BCL2: variants seen among roughly 807,000 people sequenced by gnomAD.
BCL2 encodes the protein apoptosis regulator Bcl-2.
A neutral mutation model predicts 14.2 loss-of-function variants in BCL2; 1 was observed. That is an observed-to-expected ratio of 0.07 (90% CI 0.02 to 0.33). The LOEUF (loss-of-function observed/expected upper bound fraction) is 0.33, where lower values mean the gene tolerates loss of function less well. BCL2 is among the 10% of genes least tolerant of loss of function. The probability of loss-of-function intolerance (pLI) is 0.99; values close to 1 mark genes in which losing one functional copy is unlikely to be tolerated. For synonymous variants in BCL2, 151 were observed against 137.2 expected (o/e 1.10, Z -0.70); for missense variants, 247 against 305.9 (o/e 0.81, Z 1.44).
chr18:63,308,829 C>T (rs1386172244), intron 2 of BCL2, among the ~76,000 whole-genome samples: 2 of 152,092 alleles, frequency 1.3e-5, no homozygotes, highest in East Asian at 3.9e-4. Context: ...GGATGAATTG[C>T]TCAGAATGCC....
chr18:63,253,415 G>T (rs1911373755), intron 2 of BCL2, among the ~76,000 whole-genome samples: 1 of 152,148 alleles, frequency 6.6e-6, no homozygotes, highest in Non-Finnish European at 1.5e-5. Context: ...TCCCATATAA[G>T]AATATATTGC....
intron 2 of BCL2, among the ~76,000 whole-genome samples, chr18:63,178,916 A>C (rs1464828190): frequency 7.1e-6 from 1 of 140,834 alleles, no homozygotes; most frequent in Non-Finnish European, 1.6e-5. Context: ...AAAAAAAAAA[A>C]GTCAGTTGAA....
At chr18:63,175,580 A>C (rs898865826) in intron 2 of BCL2, among the ~76,000 whole-genome samples, 4 of 152,168 alleles carry the variant, frequency 2.6e-5, no homozygotes, top group African/African-American at 7.2e-5. Context: ...AAGGAACCCA[A>C]AGTGTGAAAA....
At chr18:63,130,830 C>T (rs879218631) in intron 2 of BCL2, among the ~76,000 whole-genome samples, 4 of 152,174 alleles carry the variant, frequency 2.6e-5, no homozygotes, top group Admixed American at 2.6e-4. Context: ...GTTAACCAGT[C>T]ATCAATATTG....
chr18:63,313,786 G>GA (rs1357989525), intron 2 of BCL2: 3 of 152,062 alleles, frequency 2.0e-5, no homozygotes, highest in Non-Finnish European at 2.9e-5. Flanking sequence ...ACAGAGATAA[G>GA]AAAAAACAAC....
chr18:63,298,158 G>C (rs1298012494), intron 2 of BCL2, among the ~76,000 whole-genome samples: 1 of 152,186 alleles, frequency 6.6e-6, no homozygotes, highest in Non-Finnish European at 1.5e-5. Context: ...AGTGTCCTCT[G>C]GGGTAAATGA....
chr18:63,129,176 A>G (rs1258754949), intron 2 of BCL2, among the ~76,000 whole-genome samples: 1 of 152,242 alleles, frequency 6.6e-6, no homozygotes, highest in Non-Finnish European at 1.5e-5. Flanking sequence ...ATGCCCATCC[A>G]TAAAAGTAAT....
intron 2 of BCL2, chr18:63,317,436 C>T (rs533310603): frequency 1.5e-6 from 1 of 677,956 alleles, no homozygotes; most frequent in African/African-American, 2.0e-5. Context: ...CCACTGGGAA[C>T]ATGGCACACA....
intron 2 of BCL2, among the ~76,000 whole-genome samples, chr18:63,302,115 G>C (rs995175561): frequency 1.5e-4 from 23 of 151,924 alleles, no homozygotes; most frequent in African/African-American, 5.3e-4. Context: ...ATCATCTGAG[G>C]TCAGGAGTTC....
intron 2 of BCL2, among the ~76,000 whole-genome samples, chr18:63,237,274 G>T (rs1283810431): frequency 6.6e-6 from 1 of 152,040 alleles, no homozygotes. Context: ...GCGTGGCCTC[G>T]ATCAATCACC....
chr18:63,193,613 TACACACACACACATAC>T (rs1909354327), intron 2 of BCL2, among the ~76,000 whole-genome samples: 1 of 148,000 alleles, frequency 6.8e-6, no homozygotes, highest in African/African-American at 2.5e-5. Context: ...TGTGTGTGTA[TACACACACACACATAC>T]AAATACACAC....
chr18:63,151,486 A>G (rs1914650112), intron 2 of BCL2, among the ~76,000 whole-genome samples: 1 of 82,308 alleles, frequency 1.2e-5, no homozygotes, highest in South Asian at 4.8e-4. Context: ...GCGATAATAG[A>G]TGGGGGGCGA....
At chr18:63,266,637 T>TCTCTCTCTCTCTCACA (rs1491465885) in intron 2 of BCL2, among the ~76,000 whole-genome samples, 13 of 86,010 alleles carry the variant, frequency 1.5e-4, no homozygotes, top group African/African-American at 4.3e-4. Flanking sequence ...TCTCTCTCTC[T>TCTCTCTCTCTCTCACA]CACACACACA....
chr18:63,263,806 T>A (rs553165521), intron 2 of BCL2, among the ~76,000 whole-genome samples: 1 of 152,330 alleles, frequency 6.6e-6, no homozygotes, highest in South Asian at 2.1e-4. Flanking sequence ...ATCGGAATAA[T>A]GGGGCCTACC....
At chr18:63,157,902 A>G (rs1914823800) in intron 2 of BCL2, among the ~76,000 whole-genome samples, 1 of 152,174 alleles carries the variant, frequency 6.6e-6, no homozygotes, top group African/African-American at 2.4e-5. Flanking sequence ...TCTGGATCTG[A>G]GAAAACTTTT....
chr18:63,274,047 T>C (rs535130415), intron 2 of BCL2, among the ~76,000 whole-genome samples: 3 of 152,326 alleles, frequency 2.0e-5, no homozygotes, highest in South Asian at 2.1e-4. Flanking sequence ...TTTTACATTG[T>C]ACTTCCTCAA....
intron 2 of BCL2, among the ~76,000 whole-genome samples, chr18:63,147,645 C>T (rs1002915844): frequency 6.6e-6 from 1 of 152,302 alleles, no homozygotes; most frequent in South Asian, 2.1e-4. Context: ...TAAGAATCTA[C>T]CCAAGAGATA....
chr18:63,263,922 T>C lies in BCL2; in HGVS notation c.585+54160A>G, dbSNP rs3948977. Among the ~76,000 whole-genome samples, 876 of 152,138 alleles carry C rather than the reference T, an allele frequency of 5.8e-3. 34 individuals are homozygous for C. Among genetic ancestry groups the C allele is most frequent in the Admixed American group, 0.036 (552 of 15,276 alleles). ...CTTACTGCAACCTCTGCTTCCCGGG[T>C]TTAAGCGAATCTCATTTTTGTATTT... On this transcript the variant is annotated intron_variant, in intron 2 of 2. Transcript: ENST00000333681.
At chr18:63,189,189 T>A (rs1383699087) in intron 2 of BCL2, among the ~76,000 whole-genome samples, 10 of 135,342 alleles carry the variant, frequency 7.4e-5, no homozygotes, top group South Asian at 2.3e-4. Context: ...TAACAGCATA[T>A]AAAAAAAAAA....
Sources: gnomAD v4.1 joint callset for allele counts (sites outside exome capture counted in the v4.1 genomes callset) on GRCh38, gnomAD v4.1.1 for gene constraint, MANE v1.5 for transcripts, NCBI Gene and HGNC (gene_info 2026-07-23, HGNC 2026-07-21) for gene names.